Variants in QPRT observed in about 807,000 individuals in gnomAD.
QPRT encodes nicotinate-nucleotide pyrophosphorylase [carboxylating].
Under a neutral mutation model 19.8 loss-of-function variants are expected in QPRT, and 17 were observed. That is an observed-to-expected ratio of 0.86 (90% CI 0.59 to 1.29). The LOEUF (loss-of-function observed/expected upper bound fraction) is 1.29. Ranked by LOEUF, QPRT falls within the 50% of genes most tolerant of loss-of-function variation. The probability of loss-of-function intolerance (pLI) is 0.00; values close to 1 mark genes in which losing one functional copy is unlikely to be tolerated. For synonymous variants in QPRT, 178 were observed against 191.0 expected, an observed-to-expected ratio of 0.93 and a Z score of 0.56; for missense variants, 336 against 405.1, an observed-to-expected ratio of 0.83 and a Z score of 1.46.
intron 1 of QPRT, among the ~76,000 whole-genome samples, chr16:29,688,096 A>G (rs1967214521): frequency 6.6e-6 from 1 of 152,190 alleles, no homozygotes; most frequent in Admixed American, 6.6e-5. Flanking sequence ...ATTCCAGACT[A>G]TTGCTGTAGG....
At chr16:29,679,959 C>CTTTT (rs1267778902) in intron 1 of QPRT, among the ~76,000 whole-genome samples, 5 of 134,476 alleles carry the variant, frequency 3.7e-5, no homozygotes, top group African/African-American at 1.1e-4. Context: ...CTAAGATAAT[C>CTTTT]TTTTTTTTTT....
chr16:29,689,056 C>T (rs999442432), intron 1 of QPRT, among the ~76,000 whole-genome samples: 4 of 152,114 alleles, frequency 2.6e-5, no homozygotes, highest in Admixed American at 6.6e-5. Flanking sequence ...GCTGGGATTA[C>T]AGGCGTGAGC....
intron 1 of QPRT, among the ~76,000 whole-genome samples, chr16:29,689,649 G>A (rs1052676963): frequency 2.6e-5 from 4 of 152,062 alleles, no homozygotes; most frequent in East Asian, 1.9e-4. Flanking sequence ...AACCAGACCC[G>A]AAATCAGGCC....
At chr16:29,689,079 C>G (rs542843620) in intron 1 of QPRT, among the ~76,000 whole-genome samples, 2 of 151,522 alleles carry the variant, frequency 1.3e-5, no homozygotes, top group Admixed American at 6.6e-5. Flanking sequence ...CCGCGCCCAG[C>G]CTTTTGTTTG....
At chr16:29,688,849 T>C in intron 1 of QPRT, among the ~76,000 whole-genome samples, 1 of 148,716 alleles carries the variant, frequency 6.7e-6, no homozygotes, top group African/African-American at 2.5e-5. Context: ...GGCGCGATAT[T>C]GACTCACTGC....
rs147356013 is a variant in QPRT, at chr16:29,688,843, C to T, written c.14-5821C>T. ...TTGGCCAGGCTGGAGTGCAATGGCGCGATATTGACTCACTGCAACCTCTGC... is the reference window on the plus strand; with the variant it reads ...TTGGCCAGGCTGGAGTGCAATGGCGTGATATTGACTCACTGCAACCTCTGC... On this transcript the variant is annotated intron_variant, in intron 1 of 3. Coordinates refer to ENST00000395384, the MANE Select transcript of QPRT (RefSeq NM_014298.6). Among the ~76,000 whole-genome samples, 1,127 of 150,048 alleles carry T rather than the reference C, an allele frequency of 7.5e-3. 14 individuals are homozygous for T. The highest frequency in any genetic ancestry group is 0.026 in the African/African-American group (1,063 of 40,668).
chr16:29,685,546 C>A (rs1482375509), intron 1 of QPRT, among the ~76,000 whole-genome samples: 1 of 152,186 alleles, frequency 6.6e-6, no homozygotes, highest in Non-Finnish European at 1.5e-5. Context: ...GCCTTGGCCT[C>A]CCATAGCACT....
chr16:29,696,844 T>A (rs1472782524), intron 2 of QPRT, 152 bp from the exon 3 acceptor site: 8 of 870,266 alleles, frequency 9.2e-6, no homozygotes, highest in East Asian at 2.9e-5. Context: ...AAGTTCATGG[T>A]CCACCCGAAG....
At chr16:29,694,519 CTCACCGCAGT>C in intron 1 of QPRT, 135 bp from the exon 2 acceptor site, 3 of 770,180 alleles carry the variant, frequency 3.9e-6, no homozygotes, top group Non-Finnish European at 5.8e-6. Flanking sequence ...GCCCCCCTTC[CTCACCGCAGT>C]CCCCCCCCTG....
chr16:29,679,316 T>A, intron 1 of QPRT, 106 bp downstream of exon 1: 1 of 809,008 alleles, frequency 1.2e-6, no homozygotes, highest in Non-Finnish European at 2.0e-6. Context: ...TCTGGAGTCA[T>A]CTCTCCTCTG....
rs1400399778 is a variant in QPRT at position 29,679,240 on chromosome 16, T to C, written c.13+30T>C. 1.9e-6 allele frequency: 3 copies of C among 1,570,892 alleles called. No individual in the cohort carries two copies. In the Admixed American group the frequency reaches 5.0e-5, roughly 26 times the overall value. ...AGGGACACTCTCTCTGCCATGTCCC[T>C]GCACCCATCCCCCCACTGCCTACCC... On this transcript the variant is annotated intron_variant, in intron 1 of 3. Transcript: ENST00000395384.
chr16:29,680,616 G>A (rs545513298), intron 1 of QPRT, among the ~76,000 whole-genome samples: 4 of 152,192 alleles, frequency 2.6e-5, no homozygotes, highest in Admixed American at 6.5e-5. Context: ...TCAGAGTCCC[G>A]TTTTCTTCCA....
chr16:29,694,586 G>A, intron 1 of QPRT, 78 bp from the exon 2 acceptor site: 1 of 1,443,856 alleles, frequency 6.9e-7, no homozygotes. Context: ...AGTTTCACTG[G>A]TTGTTAAATA....
intron 1 of QPRT, among the ~76,000 whole-genome samples, chr16:29,689,129 C>T (rs540504036): frequency 6.7e-6 from 1 of 148,604 alleles, no homozygotes; most frequent in South Asian, 2.1e-4. Context: ...GAATTGCACT[C>T]TGTCACCCAG....
intron 1 of QPRT, among the ~76,000 whole-genome samples, chr16:29,683,637 G>A (rs552237168): frequency 2.0e-5 from 3 of 152,184 alleles, no homozygotes; most frequent in African/African-American, 7.2e-5. Context: ...GGGATTACAG[G>A]CATGAGCCAC....
chr16:29,679,475 G>T (rs1966926098), intron 1 of QPRT, among the ~76,000 whole-genome samples: 1 of 152,152 alleles, frequency 6.6e-6, no homozygotes, highest in Non-Finnish European at 1.5e-5. Context: ...GGGCAGGGTG[G>T]CCTGGAGGAG....
chr16:29,681,198 A>C (rs539155415), intron 1 of QPRT, among the ~76,000 whole-genome samples: 1 of 152,272 alleles, frequency 6.6e-6, no homozygotes, highest in South Asian at 2.1e-4. Context: ...GCCACTCAGC[A>C]GCAGTGGAAA....
At chr16:29,679,875 C>A (rs12596308) in intron 1 of QPRT, among the ~76,000 whole-genome samples, 1 of 151,488 alleles carries the variant, frequency 6.6e-6, no homozygotes, top group Non-Finnish European at 1.5e-5. Context: ...TGGGGGTGTG[C>A]GCGTCATTTG....
In QPRT at chr16:29,694,761, C is replaced by T. The variant is rs753754124; in HGVS notation, c.111C>T (p.Ser37=). The part of the protein sequence containing the change: ...CPGLNYAALV[S]GAGPSQAALW... Reference sequence around the variant, plus strand: ...GGCTCAACTACGCAGCCTTGGTCAGCGGGGCAGGCCCCTCGCAGGCGGCGC... The same window carrying T: ...GGCTCAACTACGCAGCCTTGGTCAGTGGGGCAGGCCCCTCGCAGGCGGCGC... Residue 37 remains serine (S), a synonymous_variant, in exon 2 of 4, where the codon AGC becomes AGT. Transcript: ENST00000395384. 6 of 1,612,346 alleles carry T rather than the reference C, an allele frequency of 3.7e-6. No individual in the cohort carries two copies. Among genetic ancestry groups the T allele is most frequent in the Admixed American group, 1.7e-5 (1 of 59,898 alleles).
Sources: gnomAD v4.1 joint callset for allele counts (sites outside exome capture counted in the v4.1 genomes callset) on GRCh38, gnomAD v4.1.1 for gene constraint, MANE v1.5 for transcripts, NCBI Gene and HGNC (gene_info 2026-07-23, HGNC 2026-07-21) for gene names.